Variants in CFAP298 observed in about 807,000 individuals in gnomAD.
The protein encoded by CFAP298 is cilia and flagella associated protein 298.
In CFAP298, 38 loss-of-function variants were observed where a neutral mutation model predicts 41.0. The observed-to-expected ratio is 0.93, with a 90% confidence interval of 0.72 to 1.22. The LOEUF is 1.22. Ranked by LOEUF, CFAP298 falls within the 50% of genes most tolerant of loss-of-function variation. The pLI, the probability that CFAP298 is intolerant of heterozygous loss-of-function variation, is 0.00. For missense variants in CFAP298, 348 were observed against 360.3 expected, an observed-to-expected ratio of 0.97 and a Z score of 0.28; for synonymous variants, 137 against 135.3, an observed-to-expected ratio of 1.01 and a Z score of -0.09.
chr21:32,609,328 C>T (rs190288815), intron 2 of CFAP298, among the ~76,000 whole-genome samples: 347 of 152,160 alleles, frequency 2.3e-3, no homozygotes, highest in African/African-American at 7.1e-3. Context: ...TCTGGTTCGT[C>T]GAATACATAT....
chr21:32,601,288 CTT>C lies in CFAP298; in HGVS notation c.*573_*574del, dbSNP rs1158009254. Among the ~76,000 whole-genome samples, 1,139 of 92,226 alleles carry C rather than the reference CTT, an allele frequency of 0.012. 7 individuals carry two copies. Among genetic ancestry groups the C allele is most frequent in the African/African-American group, 0.047 (1,029 of 21,982 alleles). The allele number at this position is 92,226 out of a possible 152,430, so 60.5% of individuals were successfully genotyped here. ...CAATCAGGAAGAAAAAAAAGTGTAG[CTT>C]TTTTTTTTTTTTTTTTTTTTTTTGA... is the stretch of plus-strand genomic sequence containing the variant. On this transcript the variant is annotated 3_prime_UTR_variant, in exon 7 of 7. Transcript: ENST00000290155.
At chr21:32,607,943 C>CA (rs1159207444) in intron 2 of CFAP298, among the ~76,000 whole-genome samples, 1 of 152,030 alleles carries the variant, frequency 6.6e-6, no homozygotes, top group Admixed American at 6.6e-5. Context: ...GCAAAGGCTA[C>CA]AAAAAACAGA....
At chr21:32,611,849 C>A (rs2146576469) in intron 1 of CFAP298, among the ~76,000 whole-genome samples, 1 of 152,310 alleles carries the variant, frequency 6.6e-6, no homozygotes, top group East Asian at 1.9e-4. Flanking sequence ...CCCATTTCCA[C>A]TTATTCGCAG....
intron 5 of CFAP298, chr21:32,602,710 A>G (rs1291651921): frequency 8.1e-7 from 1 of 1,240,324 alleles, no homozygotes; most frequent in East Asian, 4.2e-5. Flanking sequence ...CCAAAATCAC[A>G]GCCTAGTGAC....
At chr21:32,608,239 A>G (rs1046505341) in intron 2 of CFAP298, among the ~76,000 whole-genome samples, 7 of 151,814 alleles carry the variant, frequency 4.6e-5, no homozygotes, top group Admixed American at 3.3e-4. Flanking sequence ...AAAAAAAAAA[A>G]AAAAAGAAGA....
At position 32,604,155 on chromosome 21, in the gene CFAP298, A is replaced by G. The variant is rs754907051; in HGVS notation, c.504T>C (p.Phe168=). 1 of 1,614,104 alleles carries G rather than the reference A, an allele frequency of 6.2e-7. No homozygotes were observed. Among genetic ancestry groups the G allele is most frequent in the Non-Finnish European group, 8.5e-7 (1 of 1,180,016 alleles). The change falls in exon 4 of 7, where the codon TTT becomes TTC. Residue 168 remains phenylalanine, a synonymous_variant. Coordinates refer to ENST00000290155, the MANE Select transcript of CFAP298 (RefSeq NM_021254.4). ...LPPYDPIRME[F]ENKEDLSGTQ... is the part of the protein sequence containing the mutation. ...TTCCCGACAAGTCTTCCTTATTTTCAAACTCCATGCGGATGGGATCATACG... is the reference window on the plus strand; with the variant it reads ...TTCCCGACAAGTCTTCCTTATTTTCGAACTCCATGCGGATGGGATCATACG...
Position 32,601,697 on chromosome 21 carries a change from T to G in CFAP298, c.*166A>C. 1 of 563,782 alleles carries G rather than the reference T, an allele frequency of 1.8e-6. No homozygotes were observed. The highest frequency in any genetic ancestry group is 3.2e-6 in the Non-Finnish European group (1 of 317,454). 34.9% of individuals were successfully genotyped at this position (563,782 alleles called of 1,614,324 possible). On this transcript the variant is annotated 3_prime_UTR_variant, in exon 7 of 7. Coordinates refer to ENST00000290155, the MANE Select transcript of CFAP298 (RefSeq NM_021254.4). ...TTCTGACTAGGTATTTATTAAGTTC[T>G]AAAACCTTGAATAACTGCTATTTTA...
At chr21:32,606,964 T>C (rs1315232881) in intron 3 of CFAP298, among the ~76,000 whole-genome samples, 1 of 152,240 alleles carries the variant, frequency 6.6e-6, no homozygotes. Flanking sequence ...ATCAAATACA[T>C]ATTAAGTCAA....
intron 6 of CFAP298, 75 bp from the exon 7 acceptor site, chr21:32,602,048 T>A: frequency 9.9e-7 from 1 of 1,006,748 alleles, no homozygotes; most frequent in East Asian, 2.4e-5. Context: ...GAAGAAAGAG[T>A]CCATGACTGA....
Position 32,600,576 on chromosome 21 carries a change from C to CGTCTGGGCCATTTCTGGT in CFAP298, c.*1286_*1287insACCAGAAATGGCCCAGAC, listed in dbSNP as rs139726825. Reference sequence around the variant, plus strand: ...GGCACCAAAAGTCAAGCATGAGGGACTGCCACAGGCAGTCTGGCAGGTGTC... The same window carrying CGTCTGGGCCATTTCTGGT: ...GGCACCAAAAGTCAAGCATGAGGGACGTCTGGGCCATTTCTGGTTGCCACAGGCAGTCTGGCAGGTGTC... On this transcript the variant is annotated 3_prime_UTR_variant, in exon 7 of 7. Transcript: ENST00000290155. Among the ~76,000 whole-genome samples the CGTCTGGGCCATTTCTGGT allele has an allele frequency of 0.1, 15,204 of 152,280 alleles. 918 individuals are homozygous for CGTCTGGGCCATTTCTGGT. The highest frequency in any genetic ancestry group is 0.16 in the African/African-American group (6,811 of 41,542).
In CFAP298 at chr21:32,603,306, T is replaced by TC; in HGVS notation, c.535-15_535-14insG. On this transcript the variant is annotated splice_polypyrimidine_tract_variant and intron_variant, in intron 4 of 6. Transcript: ENST00000290155. ...GTTGAGCCCTGCCTGGGGCCAGTCG[T>TC]AAGAATGGCTTGACTGTGTGTTCCC... 1 of 1,613,662 alleles carries TC rather than the reference T, an allele frequency of 6.2e-7. No homozygotes were observed. The highest frequency in any genetic ancestry group is 8.5e-7 in the Non-Finnish European group (1 of 1,179,860).
At chr21:32,602,808 C>G (rs558738577) in intron 5 of CFAP298, 7 of 1,378,360 alleles carry the variant, frequency 5.1e-6, no homozygotes, top group Admixed American at 3.2e-5. Context: ...CCTCCTCCCC[C>G]TCCTGTACAC....
In CFAP298 at chr21:32,602,333, A is replaced by T. The variant is rs149703412; in HGVS notation, c.701T>A (p.Ile234Asn). ...CAGCTGCTTCTGCTCCTCACTGCTA[A>T]TAATAGGCTCTCGGGCTGGAGCTCC... is the stretch of plus-strand genomic sequence containing the variant. The part of the protein sequence containing the change: ...GQGAPAREPI[I>N]SSEEQKQLML... Residue 234 changes from isoleucine to asparagine, a missense_variant, in exon 6 of 7, where the codon ATT becomes AAT. Coordinates refer to ENST00000290155, the MANE Select transcript of CFAP298 (RefSeq NM_021254.4). 1.6e-5 allele frequency: 26 copies of T among 1,613,840 alleles called. No individual in the cohort carries two copies. Among genetic ancestry groups the T allele is most frequent in the Non-Finnish European group, 2.1e-5 (25 of 1,180,054 alleles).
chr21:32,601,222 C>T lies in CFAP298; in HGVS notation c.*641G>A, dbSNP rs1034263846. 6.7e-6 allele frequency among the ~76,000 whole-genome samples: 1 copy of T among 150,228 alleles called. No homozygotes were observed. The highest frequency in any genetic ancestry group is 2.5e-5 in the African/African-American group (1 of 40,776). ...GTCACTAGTGGTCACTGCCAGTCAT[C>T]AGCTTTCCTCCAATAAACCAGTTAT... On this transcript the variant is annotated 3_prime_UTR_variant, in exon 7 of 7. Transcript: ENST00000290155.
intron 1 of CFAP298, among the ~76,000 whole-genome samples, chr21:32,610,756 G>C (rs900222544): frequency 6.6e-6 from 1 of 151,972 alleles, no homozygotes. Flanking sequence ...TTTCTCCACG[G>C]TGCAAAACTC....
In CFAP298 at chr21:32,609,848, C is replaced by A; in HGVS notation, c.297G>T (p.Arg99Ser). The part of the protein sequence containing the change: ...AVFKKDDIGR[R>S]NGQAPNEKMK... Reference sequence around the variant, plus strand: ...GAAATCCTCACTTACCTTGCCCATTCCTTCGTCCAATATCATCCTTTTTAA... The same window carrying A: ...GAAATCCTCACTTACCTTGCCCATTACTTCGTCCAATATCATCCTTTTTAA... Residue 99 changes from arginine (R) to serine (S), a missense_variant, in exon 2 of 7, where the codon AGG (arginine) becomes AGT (serine). Physicochemically the swap from Arg to Ser is moderately radical, Grantham distance 110. Coordinates refer to ENST00000290155, the MANE Select transcript of CFAP298 (RefSeq NM_021254.4). 1 of 1,613,510 alleles carries A rather than the reference C, an allele frequency of 6.2e-7. No individual in the cohort carries two copies. The highest frequency in any genetic ancestry group is 1.7e-4 in the Middle Eastern group (1 of 6,060).
At chr21:32,604,584 A>T in intron 3 of CFAP298, 1 of 331,638 alleles carries the variant, frequency 3.0e-6, no homozygotes, top group Non-Finnish European at 5.7e-6. Flanking sequence ...GAGATACGGC[A>T]GGGGGAGCAG....
chr21:32,611,339 A>ATATATATATATATATATATATATT (rs1555884102), intron 1 of CFAP298, among the ~76,000 whole-genome samples: 1 of 124,118 alleles, frequency 8.1e-6, no homozygotes, highest in Non-Finnish European at 1.6e-5. Flanking sequence ...ATATATATAT[A>ATATATATATATATATATATATATT]ATTTATTTAT....
In CFAP298 at chr21:32,607,721, A is replaced by G; in HGVS notation, c.308-5T>C. On this transcript the variant is annotated splice_region_variant and splice_polypyrimidine_tract_variant and intron_variant, in intron 2 of 6. Transcript: ENST00000290155. ...GCTTCATCTTCTCATTTGGAGCTAT[A>G]AAAATAAAAAGGAGAGAGGGAGAAA... The G allele has an allele frequency of 6.4e-7, 1 of 1,569,722 alleles. No individual in the cohort carries two copies. The highest frequency in any genetic ancestry group is 8.7e-7 in the Non-Finnish European group (1 of 1,146,522).
Sources: allele counts gnomAD v4.1 joint callset (sites outside exome capture counted in the v4.1 genomes callset), GRCh38; gene constraint gnomAD v4.1.1; transcripts MANE v1.5; gene names NCBI Gene and HGNC (gene_info 2026-07-23, HGNC 2026-07-21).